KLHL13: variants seen among roughly 807,000 people sequenced by gnomAD.
KLHL13 encodes the protein kelch like family member 13, also known as kelch-like protein 13.
In KLHL13, 10 loss-of-function variants were observed where a neutral mutation model predicts 37.1. The ratio of observed to expected loss-of-function variants is 0.27; its 90% CI spans 0.17 to 0.46. KLHL13 has a LOEUF of 0.46. Ranked by LOEUF, KLHL13 falls within the 20% of genes least tolerant of loss-of-function variation. The pLI, the probability that KLHL13 is intolerant of heterozygous loss-of-function variation, is 1.00. For missense variants in KLHL13, 360 were observed against 509.3 expected, an observed-to-expected ratio of 0.71 and a Z score of 2.82; for synonymous variants, 163 against 181.2, an observed-to-expected ratio of 0.90 and a Z score of 0.81.
intron 1 of KLHL13, among the ~76,000 whole-genome samples, chrX:118,082,098 T>A (rs1313812219): frequency 9.0e-6 from 1 of 110,732 alleles, no homozygotes; most frequent in Non-Finnish European, 1.9e-5. Context: ...TTCTTCAATA[T>A]ACTGATTTCC....
intron 2 of KLHL13, among the ~76,000 whole-genome samples, chrX:117,923,319 C>T (rs1931826132): frequency 1.8e-5 from 2 of 111,779 alleles, no homozygotes; most frequent in Non-Finnish European, 1.9e-5. Flanking sequence ...AAGTAACATA[C>T]CTTGGGCATT....
rs144229796 is a variant in KLHL13, at chrX:118,016,138, T to C, written c.-55-70563A>G. 4.1e-3 allele frequency among the ~76,000 whole-genome samples: 460 copies of C among 112,231 alleles called. 2 individuals carry two copies. The highest frequency in any genetic ancestry group is 0.037 in the Middle Eastern group (8 of 218). ...TGTACTATGTGCTTCGTCTTAAAAATATAATTTTAGACTTTTAAAATGAAA... is the reference window on the plus strand; with the variant it reads ...TGTACTATGTGCTTCGTCTTAAAAACATAATTTTAGACTTTTAAAATGAAA... On this transcript the variant is annotated intron_variant, in intron 1 of 6. Transcript: ENST00000371882.
At chrX:118,004,205 G>C (rs1243313464) in intron 1 of KLHL13, among the ~76,000 whole-genome samples, 1 of 111,704 alleles carries the variant, frequency 9.0e-6, no homozygotes, top group Admixed American at 9.5e-5. Flanking sequence ...GAAGGTATTG[G>C]TGAGAACTCA....
chrX:118,032,123 C>A (rs1189146311), intron 1 of KLHL13, among the ~76,000 whole-genome samples: 1 of 111,542 alleles, frequency 9.0e-6, no homozygotes, highest in Non-Finnish European at 1.9e-5. Context: ...GCTTGCACAG[C>A]AGTCTGAGAT....
intron 1 of KLHL13, among the ~76,000 whole-genome samples, chrX:118,043,471 T>A (rs143562971): frequency 1.2e-3 from 136 of 111,561 alleles, no homozygotes; most frequent in African/African-American, 4.3e-3. Flanking sequence ...TGATGAACAT[T>A]GATGCAAAAA....
At chrX:117,959,084 A>G (rs2053248256) in intron 1 of KLHL13, among the ~76,000 whole-genome samples, 2 of 92,086 alleles carry the variant, frequency 2.2e-5, no homozygotes, top group Non-Finnish European at 3.9e-5. Context: ...ACTGCACATC[A>G]TTTAAAAAAA....
chrX:118,018,110 A>G (rs767817339), intron 1 of KLHL13, among the ~76,000 whole-genome samples: 2 of 111,720 alleles, frequency 1.8e-5, no homozygotes, highest in East Asian at 5.6e-4. Flanking sequence ...CACTAGAATA[A>G]AACTTCATAT....
chrX:117,909,588 C>A, exon 5 of KLHL13: 1 of 1,211,670 alleles, frequency 8.3e-7, no homozygotes, highest in Non-Finnish European at 1.1e-6. Flanking sequence ...ATCATACATG[C>A]GCAATTCCTT....
chrX:118,032,090 T>A (rs1408297930), intron 1 of KLHL13, among the ~76,000 whole-genome samples: 2 of 111,456 alleles, frequency 1.8e-5, no homozygotes, highest in East Asian at 5.7e-4. Context: ...CAGAGGGTCC[T>A]AGGCCCACGG....
In KLHL13 at chrX:117,909,422, A is replaced by G. The variant is rs777154576; in HGVS notation, c.1245T>C (p.Asp415=). 8 of 1,209,881 alleles carry G rather than the reference A, an allele frequency of 6.6e-6. No homozygotes were observed. The South Asian group carries it at 1.4e-4, about 21-fold the overall frequency. The change falls in exon 5 of 7, where the codon GAT becomes GAC. Residue 415 remains aspartate, a synonymous_variant. Coordinates refer to ENST00000262820, the Ensembl canonical transcript of KLHL13. ...CTTGCATCCATTTATTGTATCGAGG[A>G]TCAAATCTGAAGACTGTATCAACTG...
chrX:118,031,866 G>A (rs1313868973), intron 1 of KLHL13, among the ~76,000 whole-genome samples: 3 of 108,582 alleles, frequency 2.8e-5, no homozygotes, highest in South Asian at 3.9e-4. Flanking sequence ...GTCAGTGGGT[G>A]CAGGCCAGTG....
intron 1 of KLHL13, among the ~76,000 whole-genome samples, chrX:118,012,230 A>T (rs1468236757): frequency 8.9e-6 from 1 of 112,141 alleles, no homozygotes; most frequent in African/African-American, 3.2e-5. Flanking sequence ...CCAGACTCTG[A>T]AAATAAGGCA....
At chrX:118,109,371 T>C (rs527376733) in intron 1 of KLHL13, among the ~76,000 whole-genome samples, 1 of 111,791 alleles carries the variant, frequency 8.9e-6, no homozygotes, top group East Asian at 2.8e-4. Flanking sequence ...AAAGAACAGA[T>C]TCGGGCAGTA....
intron 1 of KLHL13, among the ~76,000 whole-genome samples, chrX:118,112,545 G>A (rs780562527): frequency 6.2e-5 from 7 of 112,159 alleles, no homozygotes; most frequent in African/African-American, 2.3e-4. Flanking sequence ...TCTATGCCAG[G>A]AATAATGCTA....
At chrX:117,972,090 A>T (rs1271701126) in intron 1 of KLHL13, among the ~76,000 whole-genome samples, 1 of 111,994 alleles carries the variant, frequency 8.9e-6, no homozygotes, top group Non-Finnish European at 1.9e-5. Flanking sequence ...ATTTACTTAA[A>T]ATACATTTTT....
At chrX:117,961,793 G>A (rs1197914466) in intron 1 of KLHL13, among the ~76,000 whole-genome samples, 1 of 110,845 alleles carries the variant, frequency 9.0e-6, no homozygotes, top group African/African-American at 3.3e-5. Flanking sequence ...CACAAAGAAC[G>A]GAATTTTGTC....
At chrX:117,937,382 C>A (rs1051754175) in intron 2 of KLHL13, among the ~76,000 whole-genome samples, 1 of 111,436 alleles carries the variant, frequency 9.0e-6, no homozygotes, top group Non-Finnish European at 1.9e-5. Context: ...GAAAAATTAT[C>A]TTCAAGTAAC....
At chrX:118,086,489 A>T (rs1247480661) in intron 1 of KLHL13, among the ~76,000 whole-genome samples, 2 of 112,127 alleles carry the variant, frequency 1.8e-5, no homozygotes, top group Non-Finnish European at 3.8e-5. Context: ...TGAATACTTT[A>T]AAAAGGTGAA....
chrX:117,901,453 C>A (rs894211913), intron 6 of KLHL13, among the ~76,000 whole-genome samples: 1 of 110,354 alleles, frequency 9.1e-6, no homozygotes, highest in African/African-American at 3.3e-5. Flanking sequence ...CAAATACACA[C>A]AAAAATAGTT....
Sources: gnomAD v4.1 joint callset for allele counts (sites outside exome capture counted in the v4.1 genomes callset) on GRCh38, gnomAD v4.1.1 for gene constraint, MANE v1.5 for transcripts, NCBI Gene and HGNC (gene_info 2026-07-23, HGNC 2026-07-21) for gene names.